DCDC2: variants seen among roughly 807,000 people sequenced by gnomAD.
DCDC2 encodes doublecortin domain-containing protein 2.
Under a neutral mutation model 50.2 loss-of-function variants are expected in DCDC2, and 40 were observed. The ratio of observed to expected loss-of-function variants is 0.80; its 90% CI spans 0.62 to 1.04. The LOEUF (loss-of-function observed/expected upper bound fraction) is 1.04, where lower values mean the gene tolerates loss of function less well. Ranked by LOEUF, DCDC2 falls within the 50% of genes least tolerant of loss-of-function variation. The pLI, the probability that DCDC2 is intolerant of heterozygous loss-of-function variation, is 0.00. For missense variants in DCDC2, 570 were observed against 581.9 expected (o/e 0.98, Z 0.21); for synonymous variants, 234 against 210.6 (o/e 1.11, Z -0.96).
At chr6:24,286,217 C>G (rs1763606289) in intron 6 of DCDC2, among the ~76,000 whole-genome samples, 1 of 152,150 alleles carries the variant, frequency 6.6e-6, no homozygotes. Flanking sequence ...GAGACCTGCT[C>G]TGTTCAAGCT....
At chr6:24,255,843 C>G (rs1283241883) in intron 7 of DCDC2, among the ~76,000 whole-genome samples, 2 of 152,072 alleles carry the variant, frequency 1.3e-5, no homozygotes, top group African/African-American at 4.8e-5. Flanking sequence ...CTCTTTGGAA[C>G]AGTGTTTGTC....
intron 1 of DCDC2, among the ~76,000 whole-genome samples, chr6:24,356,201 C>T (rs540750129): frequency 3.0e-4 from 46 of 152,004 alleles, no homozygotes; most frequent in Non-Finnish European, 6.0e-4. Flanking sequence ...AGGTAATATA[C>T]CCAAATCATG....
chr6:24,198,608 G>GTT (rs112114755), intron 8 of DCDC2, among the ~76,000 whole-genome samples: 1 of 147,132 alleles, frequency 6.8e-6, no homozygotes, highest in Admixed American at 6.8e-5. Flanking sequence ...GCTAGCTACA[G>GTT]TTTTTTTTTT....
intron 7 of DCDC2, among the ~76,000 whole-genome samples, chr6:24,230,154 C>T (rs1762309439): frequency 6.6e-6 from 1 of 152,192 alleles, no homozygotes; most frequent in Non-Finnish European, 1.5e-5. Flanking sequence ...GTTAAAGACA[C>T]TTTTCTAAGC....
intron 4 of DCDC2, among the ~76,000 whole-genome samples, chr6:24,300,488 T>C (rs145402490): frequency 1.5e-4 from 23 of 152,344 alleles, no homozygotes; most frequent in South Asian, 6.2e-4. Context: ...ATGCCTAAGA[T>C]AGGAGAAATG....
At chr6:24,371,004 T>G in the DCDC2 span, among the ~76,000 whole-genome samples, 1 of 151,708 alleles carries the variant, frequency 6.6e-6, no homozygotes, top group East Asian at 2.0e-4. Flanking sequence ...TGAGGATATA[T>G]AAAGAACACG....
chr6:24,201,561 A>T (rs1761587990), intron 8 of DCDC2, among the ~76,000 whole-genome samples: 1 of 152,208 alleles, frequency 6.6e-6, no homozygotes, highest in Non-Finnish European at 1.5e-5. Flanking sequence ...AAAAGATCTA[A>T]AATCTATATC....
intron 7 of DCDC2, among the ~76,000 whole-genome samples, chr6:24,243,972 T>C (rs1224600079): frequency 6.6e-6 from 1 of 152,214 alleles, no homozygotes; most frequent in African/African-American, 2.4e-5. Context: ...CCAATGCCTG[T>C]TTTTCATTTC....
intron 7 of DCDC2, among the ~76,000 whole-genome samples, chr6:24,207,786 C>T (rs770638090): frequency 7.9e-5 from 12 of 152,180 alleles, no homozygotes; most frequent in Non-Finnish European, 1.0e-4. Context: ...CTTTCTCACA[C>T]GTTGATTCCC....
At chr6:24,264,824 C>A (rs1763083652) in intron 7 of DCDC2, among the ~76,000 whole-genome samples, 1 of 150,758 alleles carries the variant, frequency 6.6e-6, no homozygotes, top group Admixed American at 6.6e-5. Flanking sequence ...CAAAGAGTGG[C>A]CGAATGGATT....
At chr6:24,183,949 C>A (rs75303120) in intron 8 of DCDC2, among the ~76,000 whole-genome samples, 11,647 of 152,204 alleles carry the variant, frequency 0.077, 1,284 homozygotes, top group African/African-American at 0.25. Flanking sequence ...AAAGGCGGGG[C>A]AAATGGAAGT....
chr6:24,290,056 G>GGATCTCA (rs1213633140), intron 5 of DCDC2, among the ~76,000 whole-genome samples: 2 of 131,152 alleles, frequency 1.5e-5, no homozygotes, highest in African/African-American at 5.8e-5. Context: ...TGCAGTGGCG[G>GGATCTCA]GATCTCAGCT....
chr6:24,200,941 T>G (rs908607585), intron 8 of DCDC2, among the ~76,000 whole-genome samples: 1 of 151,998 alleles, frequency 6.6e-6, no homozygotes, highest in Non-Finnish European at 1.5e-5. Context: ...AAGGGATCAA[T>G]TCAACAAGAA....
intron 7 of DCDC2, among the ~76,000 whole-genome samples, chr6:24,223,913 G>A (rs548903860): frequency 6.6e-6 from 1 of 152,152 alleles, no homozygotes; most frequent in South Asian, 2.1e-4. Context: ...TCAGTGTGCC[G>A]AGCTTTCCCA....
intron 6 of DCDC2, among the ~76,000 whole-genome samples, chr6:24,288,646 A>T (rs1156994647): frequency 6.6e-5 from 10 of 152,214 alleles, no homozygotes; most frequent in Non-Finnish European, 1.5e-4. Context: ...CAAGGAAAAA[A>T]TTTTAAAATA....
intron 8 of DCDC2, among the ~76,000 whole-genome samples, chr6:24,190,805 A>T (rs1761297598): frequency 1.3e-5 from 2 of 152,246 alleles, no homozygotes; most frequent in South Asian, 4.1e-4. Context: ...ATTCAATAAG[A>T]GTATATGACT....
chr6:24,359,150 T>A (rs1393864555), upstream of DCDC2, among the ~76,000 whole-genome samples: 1 of 60,742 alleles, frequency 1.6e-5, no homozygotes, highest in African/African-American at 7.5e-5. Context: ...TATTATATAT[T>A]TTATATATTT....
intron 7 of DCDC2, among the ~76,000 whole-genome samples, chr6:24,229,761 A>T (rs569395867): frequency 6.6e-6 from 1 of 152,306 alleles, no homozygotes; most frequent in Admixed American, 6.5e-5. Context: ...GTAAATGTTT[A>T]TGCTTACATT....
intron 7 of DCDC2, among the ~76,000 whole-genome samples, chr6:24,254,736 T>A (rs767693915): frequency 1.3e-5 from 2 of 152,136 alleles, no homozygotes; most frequent in African/African-American, 2.4e-5. Flanking sequence ...AATGGCTACA[T>A]CAGTCAGATA....
Sources: gnomAD v4.1 joint callset for allele counts (sites outside exome capture counted in the v4.1 genomes callset) on GRCh38, gnomAD v4.1.1 for gene constraint, MANE v1.5 for transcripts, NCBI Gene and HGNC (gene_info 2026-07-23, HGNC 2026-07-21) for gene names.